Variants in EFCAB7 observed in about 807,000 individuals in gnomAD.
The protein encoded by EFCAB7 is EF-hand calcium binding domain 7.
A neutral mutation model predicts 77.1 loss-of-function variants in EFCAB7; 66 were observed. The observed-to-expected ratio is 0.86, with a 90% CI of 0.70 to 1.05. The LOEUF is 1.05. Among genes scored for constraint, EFCAB7 ranks in the 50% least tolerant of loss-of-function variants. The pLI, the probability that EFCAB7 is intolerant of heterozygous loss-of-function variation, is 0.00. For missense variants in EFCAB7, 638 were observed against 730.5 expected, an observed-to-expected ratio of 0.87 and a Z score of 1.46; for synonymous variants, 225 against 243.3, an observed-to-expected ratio of 0.92 and a Z score of 0.70.
At chr1:63,530,831 C>T (rs1355020327) in intron 2 of EFCAB7, among the ~76,000 whole-genome samples, 1 of 152,050 alleles carries the variant, frequency 6.6e-6, no homozygotes, top group African/African-American at 2.4e-5. Context: ...CATTGGTATT[C>T]TTAAATGAAT....
intron 6 of EFCAB7, 145 bp downstream of exon 6, chr1:63,534,361 G>A: frequency 1.7e-6 from 1 of 581,946 alleles, no homozygotes; most frequent in South Asian, 3.7e-5. Context: ...CTGTAAGCTA[G>A]TGTAATACTT....
the EFCAB7 span, among the ~76,000 whole-genome samples, chr1:63,579,701 C>A: frequency 6.6e-6 from 1 of 152,176 alleles, no homozygotes; most frequent in Non-Finnish European, 1.5e-5. Context: ...GCAACCTTAT[C>A]AGTACTCGGT....
At chr1:63,563,280 T>C (rs959595660) in intron 11 of EFCAB7, among the ~76,000 whole-genome samples, 5 of 152,228 alleles carry the variant, frequency 3.3e-5, no homozygotes, top group African/African-American at 1.2e-4. Context: ...AGGTTATTTG[T>C]ATCATTTAAA....
chr1:63,566,684 A>G (rs1473492765), intron 11 of EFCAB7, among the ~76,000 whole-genome samples: 1 of 151,930 alleles, frequency 6.6e-6, no homozygotes, highest in Admixed American at 6.6e-5. Context: ...TAAAAATGCC[A>G]TACTCATAAT....
chr1:63,573,214 G>A (rs1647319511), downstream of EFCAB7, among the ~76,000 whole-genome samples: 1 of 152,084 alleles, frequency 6.6e-6, no homozygotes, highest in Non-Finnish European at 1.5e-5. Flanking sequence ...TATTTCTCAG[G>A]GCTGCTTCGA....
chr1:63,525,444 C>G, intron 1 of EFCAB7, 128 bp from the exon 2 acceptor site: 1 of 679,418 alleles, frequency 1.5e-6, no homozygotes, highest in Non-Finnish European at 2.3e-6. Context: ...TTGATCTTTT[C>G]ATATATGTTA....
At chr1:63,585,061 A>G in the EFCAB7 span, among the ~76,000 whole-genome samples, 1 of 152,204 alleles carries the variant, frequency 6.6e-6, no homozygotes, top group Non-Finnish European at 1.5e-5. Flanking sequence ...GTTTTCTGGA[A>G]AAGACTGTAA....
downstream of EFCAB7, among the ~76,000 whole-genome samples, chr1:63,576,481 AAAC>A (rs757609879): frequency 8.1e-4 from 122 of 151,312 alleles, no homozygotes; most frequent in African/African-American, 1.9e-3. Context: ...ACTGTCTCAA[AAAC>A]AACAACAACA....
rs1162118585 is a variant in EFCAB7 at position 63,571,081 on chromosome 1, A to G, written c.1768A>G (p.Arg590Gly). 4 of 1,612,514 alleles carry G rather than the reference A, an allele frequency of 2.5e-6. No individual in the cohort carries two copies. Among genetic ancestry groups the G allele is most frequent in the Non-Finnish European group, 8.5e-7 (1 of 1,179,312 alleles). ...GCTAAGTAAAAACTGCATAAACAAC[A>G]GAGGACTCAACATATTTGCAGTAGA... ...NELSKNCINN[R>G]GLNIFAVEVG... The change falls in exon 13 of 14, where the codon AGA becomes GGA. Residue 590 changes from arginine to glycine, a missense_variant. Coordinates refer to ENST00000371088, the MANE Select transcript of EFCAB7 (RefSeq NM_032437.4).
In EFCAB7 at chr1:63,560,109, C is replaced by T. The variant is rs560929932; in HGVS notation, c.1349-1600C>T. ...CTGGGACTACAGGTACCCGCCACCA[C>T]GCCCGGCTAATTTTTTGTATTTTTA... is the stretch of plus-strand genomic sequence containing the variant. On this transcript the variant is annotated intron_variant, in intron 10 of 13. Coordinates refer to ENST00000371088, the MANE Select transcript of EFCAB7 (RefSeq NM_032437.4). Among the ~76,000 whole-genome samples, 34 of 152,000 alleles carry T rather than the reference C, an allele frequency of 2.2e-4. No individual in the cohort carries two copies. In the East Asian group the frequency reaches 5.4e-3, roughly 24 times the overall value.
At chr1:63,565,974 T>C (rs1312732727) in intron 11 of EFCAB7, among the ~76,000 whole-genome samples, 1 of 152,206 alleles carries the variant, frequency 6.6e-6, no homozygotes, top group African/African-American at 2.4e-5. Context: ...ACAAATACCA[T>C]TCAATCCAGC....
At chr1:63,575,777 G>A (rs1647393839), downstream of EFCAB7, among the ~76,000 whole-genome samples, 1 of 151,832 alleles carries the variant, frequency 6.6e-6, no homozygotes, top group African/African-American at 2.4e-5. Flanking sequence ...TTGTAGAGGT[G>A]GGGTTTTGCC....
At chr1:63,542,971 A>T (rs1646848232) in intron 6 of EFCAB7, among the ~76,000 whole-genome samples, 1 of 152,102 alleles carries the variant, frequency 6.6e-6, no homozygotes, top group Admixed American at 6.6e-5. Context: ...GATGAATTCC[A>T]ATTTATTTGA....
At chr1:63,524,823 A>G (rs1348112543) in intron 1 of EFCAB7, among the ~76,000 whole-genome samples, 1 of 152,138 alleles carries the variant, frequency 6.6e-6, no homozygotes, top group Non-Finnish European at 1.5e-5. Flanking sequence ...AAAATACCTG[A>G]CCGCTGTAAT....
At chr1:63,579,584 T>C in the EFCAB7 span, among the ~76,000 whole-genome samples, 1 of 152,244 alleles carries the variant, frequency 6.6e-6, no homozygotes, top group Non-Finnish European at 1.5e-5. Context: ...TGCTGGATCA[T>C]ATGGTAAATA....
In EFCAB7 at chr1:63,555,454, G is replaced by A; in HGVS notation, c.1153G>A (p.Asp385Asn). The change falls in exon 9 of 14, where the codon GAT becomes AAT. Residue 385 changes from aspartate (D) to asparagine (N), a missense_variant. Coordinates refer to ENST00000371088, the MANE Select transcript of EFCAB7 (RefSeq NM_032437.4). ...RLRKKIKPVTDEAQLVYRDET... is the reference protein window; with the variant it reads ...RLRKKIKPVTNEAQLVYRDET... ...GAGGAAAAAAATAAAACCAGTAACAGATGAAGCCCAACTTGTATATAGAGA... is the reference window on the plus strand; with the variant it reads ...GAGGAAAAAAATAAAACCAGTAACAAATGAAGCCCAACTTGTATATAGAGA... 1 of 1,614,016 alleles carries A rather than the reference G, an allele frequency of 6.2e-7. No homozygotes were observed. The highest frequency in any genetic ancestry group is 8.5e-7 in the Non-Finnish European group (1 of 1,179,958).
chr1:63,547,969 T>C (rs1402263757), intron 7 of EFCAB7: 1 of 152,168 alleles, frequency 6.6e-6, no homozygotes, highest in Non-Finnish European at 1.5e-5. Context: ...GCTGGGGAAA[T>C]AGACTTGATC....
At chr1:63,554,766 T>G (rs1376098602) in intron 8 of EFCAB7, among the ~76,000 whole-genome samples, 1 of 152,262 alleles carries the variant, frequency 6.6e-6, no homozygotes, top group African/African-American at 2.4e-5. Flanking sequence ...GGATTCTGTG[T>G]CTTATTTTAT....
the EFCAB7 span, among the ~76,000 whole-genome samples, chr1:63,578,232 CT>C: frequency 6.6e-6 from 1 of 152,128 alleles, no homozygotes; most frequent in Non-Finnish European, 1.5e-5. Context: ...ATGTTTTTCA[CT>C]TTTCCTAGAA....
Sources: allele counts gnomAD v4.1 joint callset (sites outside exome capture counted in the v4.1 genomes callset), GRCh38; gene constraint gnomAD v4.1.1; transcripts MANE v1.5; gene names NCBI Gene and HGNC (gene_info 2026-07-23, HGNC 2026-07-21).